Variants in LTBP2 observed in about 807,000 individuals in gnomAD.
The protein encoded by LTBP2 is latent transforming growth factor beta binding protein 2.
LTBP2 carries 103 observed loss-of-function variants against 210.6 expected under a neutral mutation model. The ratio of observed to expected loss-of-function variants is 0.49; its 90% CI spans 0.42 to 0.58. The LOEUF (loss-of-function observed/expected upper bound fraction) is 0.58, where lower values mean the gene tolerates loss of function less well. LTBP2 is among the 20% of genes least tolerant of loss of function. LTBP2 has a pLI of 0.00. For missense variants in LTBP2, 2,313 were observed against 2,494.5 expected (o/e 0.93, Z 1.55); for synonymous variants, 1,007 against 1,015.0 (o/e 0.99, Z 0.15).
At chr14:74,601,385 A>ACCTTGTCTCT in intron 2 of LTBP2, among the ~76,000 whole-genome samples, 1 of 152,312 alleles carries the variant, frequency 6.6e-6, no homozygotes, top group East Asian at 1.9e-4. Flanking sequence ...GTCTCTACAA[A>ACCTTGTCTCT]AAATTAATTA....
chr14:74,557,584 T>C (rs1338884312), intron 3 of LTBP2, among the ~76,000 whole-genome samples: 1 of 152,224 alleles, frequency 6.6e-6, no homozygotes, highest in Non-Finnish European at 1.5e-5. Flanking sequence ...CCTCCGCTCA[T>C]GTCCTTTGAC....
chr14:74,604,520 C>A (rs751260315), intron 1 of LTBP2, among the ~76,000 whole-genome samples: 13 of 150,118 alleles, frequency 8.7e-5, no homozygotes, highest in Non-Finnish European at 1.5e-4. Context: ...AGGACTTACT[C>A]TATAGCGAAA....
rs766444609 is a variant in LTBP2, at chr14:74,503,521, C to CG, written c.4667dup (p.Leu1557AlafsTer22). Reference sequence around the variant, plus strand: ...GCTGCTGGCTGAGGTCCAGGGTGAGCGGGGGGCTGCAGAAGCAGTGGAAGG... The same window carrying CG: ...GCTGCTGGCTGAGGTCCAGGGTGAGCGGGGGGGCTGCAGAAGCAGTGGAAGG... On this transcript the variant is annotated frameshift_variant, in exon 32 of 36. Transcript: ENST00000261978. LOFTEE classifies it high-confidence loss of function. 33 of 1,613,122 alleles carry CG rather than the reference C, an allele frequency of 2.0e-5. No homozygotes were observed. Among genetic ancestry groups the CG allele is most frequent in the Admixed American group, 3.3e-5 (2 of 59,960 alleles).
At chr14:74,535,788 G>GC (rs1034102106) in intron 9 of LTBP2, 138 bp downstream of exon 9, 3 of 777,084 alleles carry the variant, frequency 3.9e-6, no homozygotes, top group Non-Finnish European at 4.4e-6. Flanking sequence ...GGAATCAGCA[G>GC]CCCCCCACCA....
In LTBP2 at chr14:74,499,545, G is replaced by A. The variant is rs2086888011; in HGVS notation, c.*1339C>T. ...CACTTCCATGCTCCAGTCACATGGA[G>A]CCTTGTTCATTTACATTGCCATTCA... On this transcript the variant is annotated 3_prime_UTR_variant, in exon 36 of 36. Transcript: ENST00000261978. 4.4e-6 allele frequency: 1 copy of A among 229,018 alleles called. No individual in the cohort carries two copies. Among genetic ancestry groups the A allele is most frequent in the Non-Finnish European group, 8.7e-6 (1 of 115,464 alleles). The allele number at this position is 229,018 out of a possible 1,614,324, so 14.2% of individuals were successfully genotyped here.
At chr14:74,517,664 C>T (rs1235947280) in intron 17 of LTBP2, among the ~76,000 whole-genome samples, 1 of 152,194 alleles carries the variant, frequency 6.6e-6, no homozygotes, top group Admixed American at 6.5e-5. Flanking sequence ...TGAACCACTG[C>T]ACCTGGCCTC....
At chr14:74,540,106 A>T (rs552542307) in intron 8 of LTBP2, among the ~76,000 whole-genome samples, 7 of 151,986 alleles carry the variant, frequency 4.6e-5, no homozygotes, top group Admixed American at 4.6e-4. Flanking sequence ...ACCCCTCCTC[A>T]CACCTCTCAG....
At position 74,504,800 on chromosome 14, in the gene LTBP2, C is replaced by T. The variant is rs141426243; in HGVS notation, c.4431G>A (p.Thr1477=). ...TACCTGTGTACATGGTCTGTCCAAA[C>T]GTCCAGGCTCCTTCCACAGGAATGT... The part of the protein sequence containing the change: ...KGYIPVEGAW[T]FGQTMYTDAD... Residue 1477 remains threonine (T), a synonymous_variant, in exon 30 of 36, where the codon ACG becomes ACA. Transcript: ENST00000261978. 61 of 1,614,234 alleles carry T rather than the reference C, an allele frequency of 3.8e-5. No individual in the cohort carries two copies. In the African/African-American group the frequency reaches 5.7e-4, roughly 15 times the overall value.
Position 74,507,114 on chromosome 14 carries a change from C to T in LTBP2, c.3907+65G>A, listed in dbSNP as rs573071672. Reference sequence around the variant, plus strand: ...GTGTCCTCAGGAGAAAATCATGTCTCGCTCAATATGTGAAAAATAGGTTTT... The same window carrying T: ...GTGTCCTCAGGAGAAAATCATGTCTTGCTCAATATGTGAAAAATAGGTTTT... On this transcript the variant is annotated intron_variant, in intron 26 of 35. Coordinates refer to ENST00000261978, the MANE Select transcript of LTBP2 (RefSeq NM_000428.3). 137 of 1,612,278 alleles carry T rather than the reference C, an allele frequency of 8.5e-5. 1 individual carries two copies. The South Asian group carries it at 1.3e-3, about 15-fold the overall frequency.
rs377635123 is a variant in LTBP2, at chr14:74,578,838, T to C, written c.830+7016A>G. On this transcript the variant is annotated intron_variant, in intron 3 of 35. Transcript: ENST00000261978. The stretch of plus-strand genomic sequence containing the variant: ...TGGGTGTCTGTTCCCAGCCACTCTG[T>C]TCCTGGCACCTAGGCTTTTTGTTTG... Among the ~76,000 whole-genome samples the C allele has an allele frequency of 8.7e-4, 132 of 152,312 alleles. 3 individuals carry two copies. The South Asian group carries it at 0.027, about 31-fold the overall frequency.
chr14:74,588,259 G>T (rs908598567), intron 2 of LTBP2, among the ~76,000 whole-genome samples: 8 of 152,110 alleles, frequency 5.3e-5, no homozygotes, highest in African/African-American at 1.9e-4. Flanking sequence ...TTTCACTCTT[G>T]TTGCCCAGGC....
chr14:74,578,344 ATTC>A (rs773389565), intron 3 of LTBP2, among the ~76,000 whole-genome samples: 26 of 152,188 alleles, frequency 1.7e-4, no homozygotes, highest in Non-Finnish European at 2.9e-4. Flanking sequence ...ATTTCAGTAA[ATTC>A]TCCCAACCAT....
intron 2 of LTBP2, among the ~76,000 whole-genome samples, chr14:74,591,451 A>C (rs1278971704): frequency 6.6e-6 from 1 of 152,210 alleles, no homozygotes; most frequent in Non-Finnish European, 1.5e-5. Flanking sequence ...CCCCTCAGGA[A>C]GGTAACCCTT....
intron 30 of LTBP2, among the ~76,000 whole-genome samples, chr14:74,504,280 G>A (rs757206252): frequency 6.6e-5 from 10 of 152,328 alleles, no homozygotes; most frequent in South Asian, 2.1e-4. Flanking sequence ...AAAAGTGCAC[G>A]GCGTGTAGCC....
intron 17 of LTBP2, 102 bp downstream of exon 17, chr14:74,521,809 C>A: frequency 4.7e-6 from 7 of 1,499,986 alleles, no homozygotes; most frequent in Non-Finnish European, 6.5e-6. Flanking sequence ...CTGCCCACTC[C>A]CCATTCTGCG....
At chr14:74,550,713 T>C (rs1205579554) in intron 7 of LTBP2, among the ~76,000 whole-genome samples, 2 of 152,232 alleles carry the variant, frequency 1.3e-5, no homozygotes, top group African/African-American at 4.8e-5. Context: ...AAAAAACTCC[T>C]GGCCAGATCC....
intron 19 of LTBP2, among the ~76,000 whole-genome samples, chr14:74,510,717 A>C (rs757585371): frequency 3.3e-5 from 5 of 152,228 alleles, no homozygotes; most frequent in African/African-American, 4.8e-5. Flanking sequence ...CCAGAGCCTC[A>C]AAGCGTCTAT....
intron 10 of LTBP2, among the ~76,000 whole-genome samples, 156 bp downstream of exon 10, chr14:74,532,270 A>G (rs746608291): frequency 7.2e-5 from 11 of 152,236 alleles, no homozygotes; most frequent in Admixed American, 2.0e-4. Context: ...GGTTTTTCAC[A>G]TTGGGCCCAA....
At chr14:74,582,828 C>T (rs1256526508) in intron 3 of LTBP2, among the ~76,000 whole-genome samples, 1 of 152,238 alleles carries the variant, frequency 6.6e-6, no homozygotes, top group Non-Finnish European at 1.5e-5. Flanking sequence ...TCCCAGGTGA[C>T]TTACCTACTG....
Sources: gnomAD v4.1 joint callset for allele counts (sites outside exome capture counted in the v4.1 genomes callset) on GRCh38, gnomAD v4.1.1 for gene constraint, MANE v1.5 for transcripts, NCBI Gene and HGNC (gene_info 2026-07-23, HGNC 2026-07-21) for gene names.